ENTREP2: variants seen among roughly 807,000 people sequenced by gnomAD.
The protein encoded by ENTREP2 is protein ENTREP2.
the ENTREP2 span, among the ~76,000 whole-genome samples, chr15:29,158,945 TTAATAA>T: frequency 1.3e-5 from 2 of 152,202 alleles, no homozygotes; most frequent in African/African-American, 4.8e-5. Flanking sequence ...GTTATGGATA[TTAATAA>T]TAAGATTAAC....
chr15:29,503,865 T>G, the ENTREP2 span, among the ~76,000 whole-genome samples: 1 of 152,230 alleles, frequency 6.6e-6, no homozygotes, highest in Non-Finnish European at 1.5e-5. Flanking sequence ...CATTGTGATT[T>G]GTTTTTTCAT....
At chr15:29,648,265 T>C in the ENTREP2 span, among the ~76,000 whole-genome samples, 1 of 152,362 alleles carries the variant, frequency 6.6e-6, no homozygotes, top group East Asian at 1.9e-4. Context: ...TTCCTTGTTA[T>C]GTGCCTTAAC....
chr15:29,437,428 ACT>A, the ENTREP2 span, among the ~76,000 whole-genome samples: 1 of 152,244 alleles, frequency 6.6e-6, no homozygotes, highest in Non-Finnish European at 1.5e-5. Context: ...TCCTAAAAAC[ACT>A]GTCTTCTATT....
At chr15:29,669,686 A>G in the ENTREP2 span, among the ~76,000 whole-genome samples, 1 of 152,172 alleles carries the variant, frequency 6.6e-6, no homozygotes, top group Admixed American at 6.5e-5. Flanking sequence ...CCACCACCCC[A>G]TTCATTGGAT....
At chr15:29,274,016 A>G in the ENTREP2 span, among the ~76,000 whole-genome samples, 2 of 152,138 alleles carry the variant, frequency 1.3e-5, no homozygotes, top group Non-Finnish European at 2.9e-5. Context: ...CCTTTCATAT[A>G]TACATCTATT....
chr15:29,315,766 A>G, the ENTREP2 span, among the ~76,000 whole-genome samples: 1 of 152,224 alleles, frequency 6.6e-6, no homozygotes, highest in African/African-American at 2.4e-5. Flanking sequence ...AGCAAATAAA[A>G]AAGACAAATG....
the ENTREP2 span, among the ~76,000 whole-genome samples, chr15:29,345,746 A>G: frequency 3.3e-5 from 5 of 151,766 alleles, no homozygotes; most frequent in African/African-American, 7.3e-5. Context: ...TTCTGGGCTA[A>G]AAACAACCCC....
chr15:29,643,780 CAAA>C, the ENTREP2 span, among the ~76,000 whole-genome samples: 1,806 of 70,102 alleles, frequency 0.026, 32 homozygotes, highest in African/African-American at 0.068. Flanking sequence ...GACTCTGTCT[CAAA>C]AAAAAAAAAA....
At chr15:29,509,858 C>G in the ENTREP2 span, among the ~76,000 whole-genome samples, 1 of 152,108 alleles carries the variant, frequency 6.6e-6, no homozygotes, top group African/African-American at 2.4e-5. Flanking sequence ...GACTTCATGA[C>G]TAAAACACCA....
At chr15:29,573,633 C>CTCTT in the ENTREP2 span, among the ~76,000 whole-genome samples, 24,691 of 151,526 alleles carry the variant, frequency 0.16, 2,892 homozygotes, top group East Asian at 0.49. Context: ...TCTCTCTTCT[C>CTCTT]TCTCTCTCCC....
At chr15:29,536,158 G>A in the ENTREP2 span, among the ~76,000 whole-genome samples, 1 of 152,142 alleles carries the variant, frequency 6.6e-6, no homozygotes, top group African/African-American at 2.4e-5. Flanking sequence ...CATGACTTAG[G>A]TCTGACCACT....
chr15:29,227,049 C>T, the ENTREP2 span, among the ~76,000 whole-genome samples: 29 of 152,320 alleles, frequency 1.9e-4, no homozygotes, highest in East Asian at 5.8e-4. Context: ...AGACATTTCC[C>T]GAGTTACTGC....
the ENTREP2 span, among the ~76,000 whole-genome samples, chr15:29,605,704 G>C: frequency 6.6e-6 from 1 of 151,910 alleles, no homozygotes; most frequent in East Asian, 1.9e-4. Context: ...GGCATGATGG[G>C]GGGGTGCCTA....
At chr15:29,223,195 G>A in the ENTREP2 span, among the ~76,000 whole-genome samples, 2 of 152,160 alleles carry the variant, frequency 1.3e-5, no homozygotes, top group Non-Finnish European at 2.9e-5. Flanking sequence ...GTATTTGAGG[G>A]TATAGTTGGG....
chr15:29,264,092 T>C, the ENTREP2 span, among the ~76,000 whole-genome samples: 2 of 132,700 alleles, frequency 1.5e-5, no homozygotes, highest in Non-Finnish European at 3.1e-5. Flanking sequence ...GAGGCGGAGA[T>C]TGCAGTGAGC....
chr15:29,412,761 T>C, the ENTREP2 span, among the ~76,000 whole-genome samples: 2 of 152,132 alleles, frequency 1.3e-5, no homozygotes, highest in South Asian at 4.1e-4. Context: ...TTCAAGGAGC[T>C]ACCTTTTGGC....
chr15:29,331,033 CT>C, the ENTREP2 span, among the ~76,000 whole-genome samples: 1 of 152,214 alleles, frequency 6.6e-6, no homozygotes, highest in Non-Finnish European at 1.5e-5. Context: ...TGTGTCCCCA[CT>C]ATACCCAGGG....
chr15:29,123,388 C>A, the ENTREP2 span: 3 of 1,546,044 alleles, frequency 1.9e-6, no homozygotes, highest in Non-Finnish European at 2.6e-6. Flanking sequence ...CTCCTCGAGG[C>A]GCTCCTCGTT....
chr15:29,581,164 G>A, the ENTREP2 span, among the ~76,000 whole-genome samples: 3 of 152,148 alleles, frequency 2.0e-5, no homozygotes, highest in Admixed American at 6.5e-5. Flanking sequence ...AGTGATGTAA[G>A]TGTGGGATCT....
Sources: allele counts gnomAD v4.1 joint callset (sites outside exome capture counted in the v4.1 genomes callset), GRCh38; gene constraint gnomAD v4.1.1; transcripts MANE v1.5; gene names NCBI Gene and HGNC (gene_info 2026-07-23, HGNC 2026-07-21).